Variants in RCAN1 observed in about 807,000 individuals in gnomAD.
RCAN1 encodes the protein regulator of calcineurin 1, also known as calcipressin-1.
A neutral mutation model predicts 22.9 loss-of-function variants in RCAN1; 11 were observed. The observed-to-expected ratio is 0.48, with a 90% CI of 0.30 to 0.79. RCAN1 has a LOEUF of 0.79. RCAN1 is among the 30% of genes least tolerant of loss of function. The probability of loss-of-function intolerance (pLI) is 0.06; values close to 1 mark genes in which losing one functional copy is unlikely to be tolerated. For missense variants in RCAN1, 291 were observed against 337.8 expected, an observed-to-expected ratio of 0.86 and a Z score of 1.09; for synonymous variants, 136 against 142.3, an observed-to-expected ratio of 0.96 and a Z score of 0.32.
In RCAN1 at chr21:34,535,187, A is replaced by G. The variant is rs548808408; in HGVS notation, c.253-11477T>C. Among the ~76,000 whole-genome samples the G allele has an allele frequency of 2.0e-5, 3 of 152,362 alleles. No homozygotes were observed. In the East Asian group the frequency reaches 5.8e-4, roughly 29 times the overall value. The stretch of plus-strand genomic sequence containing the variant: ...ATGTGTTTAAGCAATAGTGTGATTA[A>G]ATTCCCAGTTTTCTTTAGGCTTTTT... On this transcript the variant is annotated intron_variant, in intron 1 of 3. Transcript: ENST00000313806.
intron 1 of RCAN1, among the ~76,000 whole-genome samples, chr21:34,583,280 C>T (rs1003059365): frequency 2.7e-5 from 4 of 150,722 alleles, no homozygotes; most frequent in East Asian, 2.0e-4. Context: ...CTGGGTTCAG[C>T]GATTCTCCTT....
chr21:34,609,758 G>T (rs1286404229), intron 1 of RCAN1, among the ~76,000 whole-genome samples: 2 of 152,144 alleles, frequency 1.3e-5, no homozygotes, highest in African/African-American at 4.8e-5. Context: ...AGCTGAGAGG[G>T]GAACCAAGCA....
In RCAN1 at chr21:34,526,819, G is replaced by A. The variant is rs1985094067; in HGVS notation, c.253-3109C>T. On this transcript the variant is annotated intron_variant, in intron 1 of 3. Transcript: ENST00000313806. Reference sequence around the variant, plus strand: ...CCCCTAGTGAGATTCCTTTCCAAGAGGCTGTAGGTTCCTTCTTGAGCTGGT... The same window carrying A: ...CCCCTAGTGAGATTCCTTTCCAAGAAGCTGTAGGTTCCTTCTTGAGCTGGT... 1.9e-6 allele frequency: 3 copies of A among 1,547,038 alleles called. No homozygotes were observed. In the African/African-American group the frequency reaches 4.1e-5, roughly 21 times the overall value.
chr21:34,525,410 T>G (rs1601135370), intron 1 of RCAN1: 23 of 1,429,316 alleles, frequency 1.6e-5, no homozygotes, highest in Non-Finnish European at 2.1e-5. Flanking sequence ...GACGGTAGAG[T>G]TCATCTGGCC....
chr21:34,609,101 C>T (rs192357427), intron 1 of RCAN1, among the ~76,000 whole-genome samples: 17 of 152,326 alleles, frequency 1.1e-4, no homozygotes, highest in African/African-American at 3.4e-4. Context: ...CTTTCCCCAA[C>T]GTCAAAGTTT....
intron 1 of RCAN1, chr21:34,560,158 C>T (rs1986735969): frequency 6.6e-6 from 1 of 152,158 alleles, no homozygotes; most frequent in Non-Finnish European, 1.5e-5. Flanking sequence ...CCTAAGCGAG[C>T]AAAAGAGGAT....
intron 1 of RCAN1, among the ~76,000 whole-genome samples, chr21:34,560,456 A>G (rs1279814519): frequency 6.6e-6 from 1 of 152,248 alleles, no homozygotes; most frequent in East Asian, 1.9e-4. Flanking sequence ...AAGAATAAAA[A>G]TCAAGGAGAA....
At chr21:34,586,728 G>A (rs1048747311) in intron 1 of RCAN1, among the ~76,000 whole-genome samples, 2 of 152,210 alleles carry the variant, frequency 1.3e-5, no homozygotes, top group Admixed American at 6.5e-5. Flanking sequence ...CGAGATGGGT[G>A]GATCACTTAA....
At chr21:34,578,566 G>A (rs1035052351) in intron 1 of RCAN1, among the ~76,000 whole-genome samples, 4 of 152,156 alleles carry the variant, frequency 2.6e-5, no homozygotes, top group African/African-American at 9.7e-5. Context: ...TTCCAGACCA[G>A]GGTCAATTCC....
intron 1 of RCAN1, among the ~76,000 whole-genome samples, chr21:34,550,111 A>G (rs1246897214): frequency 6.6e-6 from 1 of 152,242 alleles, no homozygotes; most frequent in Non-Finnish European, 1.5e-5. Context: ...GTTTTCTCAC[A>G]GAGCAAAACC....
At chr21:34,570,231 T>C (rs1686465134) in intron 1 of RCAN1, among the ~76,000 whole-genome samples, 2 of 152,226 alleles carry the variant, frequency 1.3e-5, no homozygotes, top group African/African-American at 4.8e-5. Context: ...GATGTAGAGG[T>C]TAAAAACTGT....
At chr21:34,540,336 G>A (rs1243398310) in intron 1 of RCAN1, among the ~76,000 whole-genome samples, 1 of 152,172 alleles carries the variant, frequency 6.6e-6, no homozygotes, top group Non-Finnish European at 1.5e-5. Context: ...CTCTTCCGGG[G>A]CTGGGTGCTG....
At chr21:34,602,531 C>T (rs1272177168) in intron 1 of RCAN1, among the ~76,000 whole-genome samples, 3 of 152,134 alleles carry the variant, frequency 2.0e-5, no homozygotes, top group African/African-American at 7.2e-5. Context: ...GAAGGGTGGT[C>T]TGTTTTGAGG....
intron 1 of RCAN1, among the ~76,000 whole-genome samples, chr21:34,610,140 A>G (rs1488151747): frequency 6.6e-6 from 1 of 152,220 alleles, no homozygotes; most frequent in African/African-American, 2.4e-5. Flanking sequence ...ACAATATGCT[A>G]CAACAGACTG....
At position 34,597,043 on chromosome 21, in the gene RCAN1, G is replaced by A. The variant is rs1451540365; in HGVS notation, c.252+17717C>T. Among the ~76,000 whole-genome samples, 5 of 152,282 alleles carry A rather than the reference G, an allele frequency of 3.3e-5. No individual in the cohort carries two copies. In the East Asian group the frequency reaches 9.7e-4, roughly 29 times the overall value. ...GGGCTCCCAGTCTCAGTTTCGTCATGAACTTGCTGTGTGATGTGGGCCCAA... is the reference window on the plus strand; with the variant it reads ...GGGCTCCCAGTCTCAGTTTCGTCATAAACTTGCTGTGTGATGTGGGCCCAA... On this transcript the variant is annotated intron_variant, in intron 1 of 3. Coordinates refer to ENST00000313806, the MANE Select transcript of RCAN1 (RefSeq NM_004414.7).
At chr21:34,527,649 G>C (rs942243513) in intron 1 of RCAN1, among the ~76,000 whole-genome samples, 1 of 152,178 alleles carries the variant, frequency 6.6e-6, no homozygotes, top group East Asian at 1.9e-4. Flanking sequence ...CTTTGAAACT[G>C]AGCAATCTAG....
At chr21:34,566,924 G>C (rs948785771) in intron 1 of RCAN1, among the ~76,000 whole-genome samples, 1 of 152,058 alleles carries the variant, frequency 6.6e-6, no homozygotes, top group African/African-American at 2.4e-5. Flanking sequence ...TGCAAGAACA[G>C]CACCCAGCCG....
At chr21:34,585,965 A>G (rs1987779692) in intron 1 of RCAN1, among the ~76,000 whole-genome samples, 1 of 152,126 alleles carries the variant, frequency 6.6e-6, no homozygotes, top group African/African-American at 2.4e-5. Context: ...TTAATAATAA[A>G]AAAGGGTCAA....
At chr21:34,554,709 CATG>C (rs1986489370) in intron 1 of RCAN1, among the ~76,000 whole-genome samples, 2 of 152,220 alleles carry the variant, frequency 1.3e-5, no homozygotes, top group Admixed American at 1.3e-4. Context: ...AGTCCGTTTT[CATG>C]ATGTTGATAA....
Sources: gnomAD v4.1 joint callset for allele counts (sites outside exome capture counted in the v4.1 genomes callset) on GRCh38, gnomAD v4.1.1 for gene constraint, MANE v1.5 for transcripts, NCBI Gene and HGNC (gene_info 2026-07-23, HGNC 2026-07-21) for gene names.